Variants in WTAP observed in about 807,000 individuals in gnomAD.
WTAP encodes the protein pre-mRNA-splicing regulator WTAP.
Under a neutral mutation model 50.0 loss-of-function variants are expected in WTAP, and 8 were observed. That is an observed-to-expected ratio of 0.16 (90% CI 0.09 to 0.29). WTAP has a LOEUF of 0.29. Ranked by LOEUF, WTAP falls within the 10% of genes least tolerant of loss-of-function variation. The probability of loss-of-function intolerance (pLI) is 1.00; values close to 1 mark genes in which losing one functional copy is unlikely to be tolerated. For synonymous variants in WTAP, 194 were observed against 169.0 expected (o/e 1.15, Z -1.15); for missense variants, 295 against 470.7 (o/e 0.63, Z 3.45).
upstream of WTAP, chr6:159,726,971 G>A (rs375546811): frequency 2.7e-5 from 34 of 1,282,630 alleles, no homozygotes; most frequent in African/African-American, 3.8e-4. Flanking sequence ...AACACAGAGC[G>A]GCCAATCACG....
At chr6:159,736,323 G>A in intron 2 of WTAP, 28 bp downstream of exon 2, 1 of 1,582,648 alleles carries the variant, frequency 6.3e-7, no homozygotes, top group Non-Finnish European at 8.6e-7. Context: ...GGGTTTTTTT[G>A]TTTTGTTTTG....
chr6:159,727,378 G>GGAGGCGGGAGGCGGGAGGCA, upstream of WTAP: 3 of 454,042 alleles, frequency 6.6e-6, no homozygotes, highest in Non-Finnish European at 9.2e-6. Flanking sequence ...GGAGGCTGGC[G>GGAGGCGGGAGGCGGGAGGCA]GGAGGCGGGA....
intron 5 of WTAP, among the ~76,000 whole-genome samples, chr6:159,744,243 T>C (rs1175664511): frequency 6.6e-6 from 1 of 152,232 alleles, no homozygotes; most frequent in East Asian, 1.9e-4. Context: ...GTTAGAACTT[T>C]GATGTGTACT....
Position 159,748,489 on chromosome 6 carries a change from A to T in WTAP, c.452+120A>T, listed in dbSNP as rs1254420215. The T allele has an allele frequency of 2.0e-6, 3 of 1,496,756 alleles. No homozygotes were observed. The African/African-American group carries it at 4.3e-5, about 21-fold the overall frequency. The allele number at this position is 1,496,756 out of a possible 1,614,324, so 92.7% of individuals were successfully genotyped here. A position where few individuals can be genotyped will look rare whatever the true frequency, so the allele number is the denominator to read the frequency against. On this transcript the variant is annotated intron_variant, in intron 6 of 7. Coordinates refer to ENST00000621533, the MANE Select transcript of WTAP (RefSeq NM_001270531.2). This position sits in a 1 kb window ranked among gnomAD's most constrained non-coding sequence, Gnocchi z 5.6. ...ACTCAGACTTTTTGAGCCAAAAAAA[A>T]GCCACATTCTTACACTGTCCAGCTT...
At chr6:159,736,618 T>A in intron 2 of WTAP, 1 of 208,298 alleles carries the variant, frequency 4.8e-6, no homozygotes, top group East Asian at 1.0e-4. Flanking sequence ...CAGGTACATA[T>A]ATACAAATAA....
chr6:159,731,766 G>A (rs1208901326), intron 1 of WTAP, among the ~76,000 whole-genome samples: 4 of 152,172 alleles, frequency 2.6e-5, no homozygotes, highest in African/African-American at 9.7e-5. Flanking sequence ...TTCTTTTTGA[G>A]ATGGGGAAAC....
intron 1 of WTAP, among the ~76,000 whole-genome samples, chr6:159,735,096 T>G (rs1271566484): frequency 6.6e-6 from 1 of 152,192 alleles, no homozygotes; most frequent in Non-Finnish European, 1.5e-5. Flanking sequence ...AATTAAATAC[T>G]GTAGGAATAT....
intron 4 of WTAP, among the ~76,000 whole-genome samples, chr6:159,742,858 C>T (rs1001340026): frequency 1.3e-5 from 2 of 151,646 alleles, no homozygotes; most frequent in Non-Finnish European, 2.9e-5. Flanking sequence ...GAGTTTGAGA[C>T]CAGCATAGGC....
Position 159,755,280 on chromosome 6 carries a change from C to T in WTAP, c.860C>T (p.Thr287Met), listed in dbSNP as rs762690654. The T allele has an allele frequency of 3.7e-6, 6 of 1,614,178 alleles. No homozygotes were observed. The Admixed American group carries it at 5.0e-5, about 13-fold the overall frequency. ...PSNGSSSRQR[T>M]SGSGFHREGN... Reference sequence around the variant, plus strand: ...AATGGTAGCTCCTCCCGCCAGAGGACGTCTGGGTCTGGATTTCACAGGGAG... The same window carrying T: ...AATGGTAGCTCCTCCCGCCAGAGGATGTCTGGGTCTGGATTTCACAGGGAG... The change falls in exon 8 of 8, where the codon ACG becomes ATG. Residue 287 changes from threonine to methionine, a missense_variant. Thr to Met is a moderately conservative substitution (Grantham distance 81). This residue lies in a region of WTAP where 175 missense variants were observed against 183.1 expected (regional missense o/e 0.96). Coordinates refer to ENST00000621533, the MANE Select transcript of WTAP (RefSeq NM_001270531.2).
chr6:159,732,872 C>G (rs992877491), intron 1 of WTAP, among the ~76,000 whole-genome samples: 2 of 123,328 alleles, frequency 1.6e-5, no homozygotes, highest in Non-Finnish European at 3.2e-5. Context: ...CTCTCTCTCT[C>G]TGTATATATA....
chr6:159,754,047 GATTT>G (rs1277500666), intron 7 of WTAP, among the ~76,000 whole-genome samples: 1 of 152,188 alleles, frequency 6.6e-6, no homozygotes, highest in African/African-American at 2.4e-5. Flanking sequence ...GTGAATAAGA[GATTT>G]AATCTTTAAA....
intron 6 of WTAP, among the ~76,000 whole-genome samples, chr6:159,752,380 C>T (rs1333542701): frequency 4.6e-5 from 7 of 151,546 alleles, no homozygotes; most frequent in Admixed American, 1.3e-4. Flanking sequence ...TAAATAATTA[C>T]AAGAACAAGC....
intron 5 of WTAP, among the ~76,000 whole-genome samples, chr6:159,744,631 T>C (rs2114932287): frequency 6.6e-6 from 1 of 152,348 alleles, no homozygotes; most frequent in South Asian, 2.1e-4. Flanking sequence ...ACGTATTTAC[T>C]CTTCTTTCAC....
Position 159,736,275 on chromosome 6 carries a change from G to A in WTAP, c.10G>A (p.Glu4Lys). MTN[E>K]EPLPKKVRLS... ...TTTTTTAGGATTCAAGATGACCAAC[G>A]AAGAACCTCTTCCCAAGAAGGTATG... Residue 4 changes from glutamate (E) to lysine (K), a missense_variant, in exon 2 of 8, where the codon GAA becomes AAA. Around this residue, in one of 2 missense-constraint regions of WTAP, gnomAD observed 120 missense variants for 287.6 expected, o/e 0.42. Transcript: ENST00000621533. 3 of 1,602,444 alleles carry A rather than the reference G, an allele frequency of 1.9e-6. No individual in the cohort carries two copies. The highest frequency in any genetic ancestry group is 1.1e-5 in the South Asian group (1 of 88,270).
At position 159,755,638 on chromosome 6, in the gene WTAP, T is replaced by C. The variant is rs1488188046; in HGVS notation, c.*27T>C. Reference sequence around the variant, plus strand: ...ATTTTTTCAGCAAATTTTTATACAGTGTCATTTAATTTGGGAGAGGATACT... The same window carrying C: ...ATTTTTTCAGCAAATTTTTATACAGCGTCATTTAATTTGGGAGAGGATACT... On this transcript the variant is annotated 3_prime_UTR_variant, in exon 8 of 8. Coordinates refer to ENST00000621533, the MANE Select transcript of WTAP (RefSeq NM_001270531.2). The C allele has an allele frequency of 1.3e-6, 2 of 1,546,440 alleles. No homozygotes were observed.
At chr6:159,741,190 T>C (rs1221277441) in intron 3 of WTAP, among the ~76,000 whole-genome samples, 2 of 152,152 alleles carry the variant, frequency 1.3e-5, no homozygotes, top group African/African-American at 4.8e-5. Flanking sequence ...GAAAAATCTT[T>C]ATTGCTAAGA....
rs867316461 is a variant in WTAP, at chr6:159,748,474, T to C, written c.452+105T>C. 1.9e-5 allele frequency: 29 copies of C among 1,512,248 alleles called. No homozygotes were observed. The Middle Eastern group carries it at 5.3e-4, about 28-fold the overall frequency. The allele number at this position is 1,512,248 out of a possible 1,614,324, so 93.7% of individuals were successfully genotyped here. A position where few individuals can be genotyped will look rare whatever the true frequency, so the allele number is the denominator to read the frequency against. ...CGTTTCCACACCAAGACTCAGACTT[T>C]TTGAGCCAAAAAAAAGCCACATTCT... is the stretch of plus-strand genomic sequence containing the variant. On this transcript the variant is annotated intron_variant, in intron 6 of 7. Transcript: ENST00000621533. This position sits in a 1 kb window ranked among gnomAD's most constrained non-coding sequence, Gnocchi z 5.6.
chr6:159,753,223 G>T, intron 6 of WTAP: 1 of 513,682 alleles, frequency 1.9e-6, no homozygotes, highest in Non-Finnish European at 3.5e-6. Flanking sequence ...TGATGTAATA[G>T]AAACAAGGTG....
At chr6:159,729,263 C>T (rs1453110630) in intron 1 of WTAP, among the ~76,000 whole-genome samples, 3 of 152,172 alleles carry the variant, frequency 2.0e-5, no homozygotes, top group Non-Finnish European at 4.4e-5. Context: ...TTAGTAGGTC[C>T]TTCAGCAAAA....
Sources: gnomAD v4.1 joint callset for allele counts (sites outside exome capture counted in the v4.1 genomes callset) on GRCh38, gnomAD v4.1.1 for gene constraint, gnomAD v4.1.1 regional missense constraint, Gnocchi (gnomAD v3.1) non-coding constraint, MANE v1.5 for transcripts, NCBI Gene and HGNC (gene_info 2026-07-23, HGNC 2026-07-21) for gene names.